RYR2: variants seen among roughly 807,000 people sequenced by gnomAD.
RYR2 encodes cardiac muscle ryanodine receptor-calcium release channel.
Under a neutral mutation model 601.1 loss-of-function variants are expected in RYR2, and 227 were observed. The observed-to-expected ratio is 0.38, with a 90% CI of 0.34 to 0.42. The LOEUF is 0.42. Among genes scored for constraint, RYR2 ranks in the 10% least tolerant of loss-of-function variants. The probability of loss-of-function intolerance (pLI) is 1.00; values close to 1 mark genes in which losing one functional copy is unlikely to be tolerated. For missense variants in RYR2, 4,646 were observed against 6,156.5 expected, an observed-to-expected ratio of 0.75 and a Z score of 8.21; for synonymous variants, 2,223 against 2,175.1, an observed-to-expected ratio of 1.02 and a Z score of -0.61.
At chr1:237,072,735 T>C (rs1168153754) in intron 1 of RYR2, among the ~76,000 whole-genome samples, 1 of 152,018 alleles carries the variant, frequency 6.6e-6, no homozygotes, top group Non-Finnish European at 1.5e-5. Context: ...TTACATGAAG[T>C]CAGGAGTTCG....
chr1:237,271,735 C>T (rs538769224), intron 2 of RYR2, among the ~76,000 whole-genome samples: 4 of 152,242 alleles, frequency 2.6e-5, no homozygotes, highest in African/African-American at 7.2e-5. Flanking sequence ...CGTATGGTGT[C>T]AGTAAATGTA....
intron 1 of RYR2, among the ~76,000 whole-genome samples, chr1:237,244,118 G>T (rs1170772806): frequency 6.6e-6 from 1 of 152,148 alleles, no homozygotes; most frequent in East Asian, 1.9e-4. Flanking sequence ...CCTCTGAAGA[G>T]GAATATCAAG....
chr1:237,222,338 G>T (rs558548801), intron 1 of RYR2, among the ~76,000 whole-genome samples: 3 of 151,850 alleles, frequency 2.0e-5, no homozygotes, highest in African/African-American at 7.2e-5. Context: ...GCGTGAACCT[G>T]GGAGGCGGAG....
intron 1 of RYR2, among the ~76,000 whole-genome samples, chr1:237,111,385 C>T (rs547692432): frequency 5.3e-4 from 81 of 152,192 alleles, no homozygotes; most frequent in African/African-American, 1.7e-3. Context: ...GTCAGGAGTT[C>T]AAGACCAGCC....
intron 1 of RYR2, among the ~76,000 whole-genome samples, chr1:237,195,644 G>T (rs1357148672): frequency 6.6e-6 from 1 of 152,164 alleles, no homozygotes; most frequent in African/African-American, 2.4e-5. Flanking sequence ...TATATTGAAG[G>T]AGTGTGGATT....
At chr1:237,234,588 G>A (rs913580552) in intron 1 of RYR2, among the ~76,000 whole-genome samples, 2 of 152,120 alleles carry the variant, frequency 1.3e-5, no homozygotes, top group Admixed American at 1.3e-4. Context: ...GAGGGAATGA[G>A]TTAAAATATG....
intron 1 of RYR2, among the ~76,000 whole-genome samples, chr1:237,221,266 A>G (rs895637440): frequency 1.3e-5 from 2 of 152,230 alleles, no homozygotes; most frequent in African/African-American, 4.8e-5. Flanking sequence ...AAAGACTTGC[A>G]TGGAAAACAT....
intron 79 of RYR2, among the ~76,000 whole-genome samples, chr1:237,741,640 C>T (rs1019863151): frequency 4.9e-4 from 75 of 152,080 alleles, no homozygotes; most frequent in African/African-American, 1.8e-3. Context: ...CTCATTCTGT[C>T]ACCCAGGCTG....
intron 48 of RYR2, among the ~76,000 whole-genome samples, chr1:237,648,032 A>G (rs1035294491): frequency 1.3e-5 from 2 of 152,248 alleles, no homozygotes; most frequent in African/African-American, 4.8e-5. Context: ...TAAATATACC[A>G]AGATTATCAC....
chr1:237,264,308 T>G (rs2149323818), intron 1 of RYR2, among the ~76,000 whole-genome samples: 1 of 152,314 alleles, frequency 6.6e-6, no homozygotes, highest in Admixed American at 6.5e-5. Context: ...GTGTACAGTC[T>G]GGCCAAGTGT....
chr1:237,811,195 T>C (rs994818480), intron 100 of RYR2, among the ~76,000 whole-genome samples: 1 of 152,186 alleles, frequency 6.6e-6, no homozygotes, highest in Non-Finnish European at 1.5e-5. Flanking sequence ...ATGCAGTGAC[T>C]GTTCCCTGGC....
intron 38 of RYR2, among the ~76,000 whole-genome samples, chr1:237,618,788 G>A (rs1425788895): frequency 6.6e-6 from 1 of 152,186 alleles, no homozygotes; most frequent in Non-Finnish European, 1.5e-5. Context: ...CCCAGTAGAG[G>A]ACAGAGCTGG....
At chr1:237,698,834 G>C (rs1558242770) in intron 63 of RYR2, 131 bp from the exon 64 acceptor site, 1 of 537,220 alleles carries the variant, frequency 1.9e-6, no homozygotes, top group East Asian at 3.1e-5. Flanking sequence ...TTTCAAACTT[G>C]ATTATTAAAA....
intron 1 of RYR2, among the ~76,000 whole-genome samples, chr1:237,191,214 T>C (rs144141512): frequency 2.6e-5 from 4 of 152,290 alleles, no homozygotes; most frequent in South Asian, 2.1e-4. Context: ...TCAAAAGTCA[T>C]TGGCCATATA....
At chr1:237,693,019 G>C (rs941998541) in intron 63 of RYR2, among the ~76,000 whole-genome samples, 2 of 152,224 alleles carry the variant, frequency 1.3e-5, no homozygotes, top group Admixed American at 1.3e-4. Flanking sequence ...ACCCAGGTCC[G>C]GCCTTCAAGA....
At chr1:237,789,428 A>G (rs945541752) in intron 92 of RYR2, among the ~76,000 whole-genome samples, 5 of 148,482 alleles carry the variant, frequency 3.4e-5, no homozygotes, top group African/African-American at 1.2e-4. Flanking sequence ...ATTGTTTAAT[A>G]CAGAGTTCAC....
At chr1:237,416,615 G>A (rs977714948) in intron 10 of RYR2, among the ~76,000 whole-genome samples, 1 of 152,072 alleles carries the variant, frequency 6.6e-6, no homozygotes, top group African/African-American at 2.4e-5. Context: ...GAATTTGGAA[G>A]TGCAAATATT....
chr1:237,371,452 C>T (rs558375586), intron 6 of RYR2, among the ~76,000 whole-genome samples: 19 of 152,260 alleles, frequency 1.2e-4, no homozygotes, highest in East Asian at 3.9e-4. Flanking sequence ...CCACCATGCC[C>T]GGCATGATTT....
intron 2 of RYR2, among the ~76,000 whole-genome samples, chr1:237,296,093 A>G (rs2149437613): frequency 6.6e-6 from 1 of 152,328 alleles, no homozygotes; most frequent in East Asian, 1.9e-4. Flanking sequence ...AGAGAGAAGC[A>G]TTGAATCTAT....
Sources: allele counts gnomAD v4.1 joint callset (sites outside exome capture counted in the v4.1 genomes callset), GRCh38; gene constraint gnomAD v4.1.1; transcripts MANE v1.5; gene names NCBI Gene and HGNC (gene_info 2026-07-23, HGNC 2026-07-21).